DPH6: variants seen among roughly 807,000 people sequenced by gnomAD.
The protein encoded by DPH6 is diphthine--ammonia ligase.
In DPH6, 33 loss-of-function variants were observed where a neutral mutation model predicts 38.2. That is an observed-to-expected ratio of 0.86 (90% CI 0.65 to 1.15). The LOEUF (loss-of-function observed/expected upper bound fraction) is 1.15, where lower values mean the gene tolerates loss of function less well. DPH6 is among the 50% of genes most tolerant of loss of function. The probability of loss-of-function intolerance (pLI) is 0.00; values close to 1 mark genes in which losing one functional copy is unlikely to be tolerated. For missense variants in DPH6, 325 were observed against 320.0 expected (o/e 1.02, Z -0.12); for synonymous variants, 108 against 103.0 (o/e 1.05, Z -0.30).
At chr15:35,193,587 A>G in the DPH6 span, among the ~76,000 whole-genome samples, 1 of 152,168 alleles carries the variant, frequency 6.6e-6, no homozygotes, top group Non-Finnish European at 1.5e-5. Context: ...AGTGTTTTCA[A>G]TAAGGTCCCT....
chr15:35,245,014 T>C (rs1005622356), intron 3 of DPH6, among the ~76,000 whole-genome samples: 3 of 152,166 alleles, frequency 2.0e-5, no homozygotes, highest in Admixed American at 6.5e-5. Flanking sequence ...ATGAAAAATG[T>C]AGACGAAAGT....
chr15:35,196,478 C>T, the DPH6 span, among the ~76,000 whole-genome samples: 201 of 151,962 alleles, frequency 1.3e-3, 1 homozygote, highest in African/African-American at 4.6e-3. Flanking sequence ...TGGGAGGAGG[C>T]GGGCTGTGTG....
chr15:35,265,117 C>A (rs975475965), intron 3 of DPH6, among the ~76,000 whole-genome samples: 2 of 151,810 alleles, frequency 1.3e-5, no homozygotes, highest in Non-Finnish European at 2.9e-5. Context: ...CACAAGCTAG[C>A]GGTCAGAAAA....
intron 3 of DPH6, among the ~76,000 whole-genome samples, chr15:35,464,461 G>A (rs2054104225): frequency 6.6e-6 from 1 of 152,114 alleles, no homozygotes; most frequent in African/African-American, 2.4e-5. Flanking sequence ...CCTTCTAGAT[G>A]ATAAGAAAAT....
chr15:35,459,563 T>C (rs934668731), intron 3 of DPH6, among the ~76,000 whole-genome samples: 2 of 152,108 alleles, frequency 1.3e-5, no homozygotes, highest in Admixed American at 6.6e-5. Context: ...ACTCTGGTGC[T>C]CAAGACAGTA....
intron 3 of DPH6, among the ~76,000 whole-genome samples, chr15:35,481,385 G>T: frequency 6.6e-6 from 1 of 152,006 alleles, no homozygotes; most frequent in East Asian, 1.9e-4. Context: ...GAAGAGAAAA[G>T]ATTACAGAAG....
intron 3 of DPH6, among the ~76,000 whole-genome samples, chr15:35,284,428 A>G (rs1157326314): frequency 6.6e-6 from 1 of 152,120 alleles, no homozygotes. Flanking sequence ...ACGTGTCTAC[A>G]TTACGGACTA....
At chr15:35,221,925 G>C (rs1595433819) in intron 3 of DPH6, among the ~76,000 whole-genome samples, 1 of 152,136 alleles carries the variant, frequency 6.6e-6, no homozygotes, top group East Asian at 1.9e-4. Flanking sequence ...AATTTCTTCT[G>C]TCAGATATCC....
At chr15:35,364,565 G>A (rs2052641001) in intron 3 of DPH6, among the ~76,000 whole-genome samples, 1 of 152,022 alleles carries the variant, frequency 6.6e-6, no homozygotes, top group East Asian at 1.9e-4. Context: ...TTATTGCTGG[G>A]TACAGAATTC....
intron 5 of DPH6, among the ~76,000 whole-genome samples, chr15:35,445,397 A>C (rs2053839060): frequency 1.4e-4 from 1 of 6,946 alleles, no homozygotes; most frequent in African/African-American, 2.3e-4. Context: ...ATCATCATCA[A>C]AAAAAAAAAA....
At chr15:35,305,794 T>C (rs1309219898) in intron 3 of DPH6, among the ~76,000 whole-genome samples, 1 of 152,172 alleles carries the variant, frequency 6.6e-6, no homozygotes, top group African/African-American at 2.4e-5. Flanking sequence ...TACATTAAAG[T>C]AGTAAAAAAT....
the DPH6 span, among the ~76,000 whole-genome samples, chr15:35,177,696 T>C: frequency 6.6e-6 from 1 of 151,720 alleles, no homozygotes; most frequent in East Asian, 1.9e-4. Flanking sequence ...TCCCAGCACT[T>C]TGGGAGGCCA....
intron 3 of DPH6, among the ~76,000 whole-genome samples, chr15:35,223,395 T>C (rs2051455386): frequency 6.6e-6 from 1 of 152,072 alleles, no homozygotes; most frequent in Admixed American, 6.5e-5. Context: ...GACATTATAA[T>C]AGCAATGAAG....
At chr15:35,521,674 T>C (rs2054924666) in intron 3 of DPH6, 1 of 1,230,676 alleles carries the variant, frequency 8.1e-7, no homozygotes, top group Non-Finnish European at 1.0e-6. Context: ...GATATTTTAG[T>C]TTACTATTGA....
At chr15:35,366,228 T>TTGCGTGTG (rs376724959), downstream of DPH6, among the ~76,000 whole-genome samples, 52 of 144,378 alleles carry the variant, frequency 3.6e-4, no homozygotes, top group African/African-American at 1.3e-3. Flanking sequence ...TTTAGTCATC[T>TTGCGTGTG]TGTGTGTGTG....
At chr15:35,480,261 T>C (rs929945938) in intron 3 of DPH6, among the ~76,000 whole-genome samples, 1 of 152,114 alleles carries the variant, frequency 6.6e-6, no homozygotes, top group Non-Finnish European at 1.5e-5. Context: ...GGTAGATGAT[T>C]ATTTGCAGCC....
chr15:35,401,115 C>A (rs2053213355), intron 6 of DPH6: 2 of 920,400 alleles, frequency 2.2e-6, no homozygotes, highest in Non-Finnish European at 3.6e-6. Flanking sequence ...CCTTTGATGA[C>A]CATGACTTTG....
intron 3 of DPH6, among the ~76,000 whole-genome samples, chr15:35,503,379 C>T (rs976738965): frequency 1.3e-5 from 2 of 152,032 alleles, no homozygotes; most frequent in Non-Finnish European, 2.9e-5. Flanking sequence ...TTTGACAACC[C>T]TCAGTCCCCT....
At chr15:35,479,196 G>C (rs2054298227) in intron 3 of DPH6, among the ~76,000 whole-genome samples, 1 of 151,942 alleles carries the variant, frequency 6.6e-6, no homozygotes, top group Non-Finnish European at 1.5e-5. Context: ...TCAATAAGTA[G>C]ACCTGTGTGA....
Sources: allele counts gnomAD v4.1 joint callset (sites outside exome capture counted in the v4.1 genomes callset), GRCh38; gene constraint gnomAD v4.1.1; transcripts MANE v1.5; gene names NCBI Gene and HGNC (gene_info 2026-07-23, HGNC 2026-07-21).